Variants in GAS2 observed in about 807,000 individuals in gnomAD.
GAS2 encodes the protein growth arrest specific 2.
GAS2 carries 20 observed loss-of-function variants against 37.5 expected under a neutral mutation model. The observed-to-expected ratio is 0.53, with a 90% confidence interval of 0.37 to 0.77. The LOEUF is 0.77. GAS2 is among the 30% of genes least tolerant of loss of function. GAS2 has a pLI of 0.00. For missense variants in GAS2, 336 were observed against 373.4 expected (o/e 0.90, Z 0.82); for synonymous variants, 144 against 132.2 (o/e 1.09, Z -0.61).
chr11:22,652,205 TG>T (rs946061792), intron 1 of GAS2, among the ~76,000 whole-genome samples: 6 of 152,168 alleles, frequency 3.9e-5, no homozygotes, highest in East Asian at 1.9e-4. Flanking sequence ...GTGCCCCTGC[TG>T]GGGGTGCCTC....
chr11:22,673,537 T>C (rs1479810807), intron 1 of GAS2, among the ~76,000 whole-genome samples: 1 of 152,222 alleles, frequency 6.6e-6, no homozygotes, highest in Non-Finnish European at 1.5e-5. Context: ...CTGCATGTTA[T>C]TAAACATGAC....
chr11:22,659,002 C>G (rs1224690005), intron 1 of GAS2, among the ~76,000 whole-genome samples: 1 of 152,160 alleles, frequency 6.6e-6, no homozygotes, highest in Non-Finnish European at 1.5e-5. Context: ...GTTATTGCCT[C>G]TTTTTGGAAA....
At chr11:22,776,989 G>A (rs951010171) in intron 7 of GAS2, among the ~76,000 whole-genome samples, 1 of 152,148 alleles carries the variant, frequency 6.6e-6, no homozygotes, top group Admixed American at 6.5e-5. Flanking sequence ...GATCAGGAAA[G>A]TTAAAAGAGA....
intron 1 of GAS2, among the ~76,000 whole-genome samples, chr11:22,668,783 T>C (rs1849088646): frequency 6.6e-6 from 1 of 152,220 alleles, no homozygotes; most frequent in African/African-American, 2.4e-5. Flanking sequence ...TGAGAAGGCA[T>C]GATGAGGCTG....
At chr11:22,651,308 C>T (rs1848772683) in intron 1 of GAS2, among the ~76,000 whole-genome samples, 1 of 152,194 alleles carries the variant, frequency 6.6e-6, no homozygotes, top group Non-Finnish European at 1.5e-5. Context: ...TGATGGGCTT[C>T]CCTTTGTGGG....
At chr11:22,712,443 G>A (rs991461877) in intron 3 of GAS2, among the ~76,000 whole-genome samples, 1 of 152,160 alleles carries the variant, frequency 6.6e-6, no homozygotes, top group Non-Finnish European at 1.5e-5. Flanking sequence ...AGATCCAGAA[G>A]GGTAATAACA....
intron 3 of GAS2, among the ~76,000 whole-genome samples, chr11:22,701,399 G>A (rs542503516): frequency 5.9e-5 from 9 of 152,114 alleles, no homozygotes; most frequent in Non-Finnish European, 1.2e-4. Context: ...TGTCTTCATG[G>A]TGAGAAAGAT....
At chr11:22,643,569 T>C (rs1424632418) in intron 1 of GAS2, among the ~76,000 whole-genome samples, 3 of 152,042 alleles carry the variant, frequency 2.0e-5, no homozygotes, top group Non-Finnish European at 4.4e-5. Flanking sequence ...TTCTGTAGTA[T>C]GTGTGTATTT....
intron 5 of GAS2, among the ~76,000 whole-genome samples, chr11:22,744,540 A>G (rs140598914): frequency 2.1e-3 from 319 of 152,284 alleles, no homozygotes; most frequent in Admixed American, 4.6e-3. Flanking sequence ...AGAATTAAAA[A>G]CAAAAGCCAT....
At chr11:22,805,575 C>T (rs751776226) in intron 7 of GAS2, among the ~76,000 whole-genome samples, 9 of 152,126 alleles carry the variant, frequency 5.9e-5, no homozygotes, top group Non-Finnish European at 1.3e-4. Flanking sequence ...ATTCTTTTCT[C>T]TACTTCTATG....
chr11:22,673,732 C>A (rs192064345), intron 1 of GAS2, among the ~76,000 whole-genome samples: 2 of 152,264 alleles, frequency 1.3e-5, no homozygotes, highest in South Asian at 4.1e-4. Context: ...CATGGCGAAA[C>A]CCCATCTCTA....
intron 7 of GAS2, among the ~76,000 whole-genome samples, chr11:22,809,715 A>G (rs1240132263): frequency 2.0e-5 from 3 of 151,298 alleles, no homozygotes; most frequent in African/African-American, 7.3e-5. Context: ...GATGGTCTCA[A>G]ACTCCTGACC....
intron 2 of GAS2, among the ~76,000 whole-genome samples, chr11:22,682,475 G>A (rs569916145): frequency 2.0e-5 from 3 of 151,622 alleles, no homozygotes; most frequent in Admixed American, 2.0e-4. Context: ...CAACAATTTA[G>A]AGTAAAGTTT....
At chr11:22,678,873 A>G (rs1849553264) in intron 2 of GAS2, among the ~76,000 whole-genome samples, 1 of 151,710 alleles carries the variant, frequency 6.6e-6, no homozygotes, top group Admixed American at 6.6e-5. Flanking sequence ...CATTTCCAGG[A>G]AATATACTTA....
chr11:22,726,563 G>T, intron 4 of GAS2, 130 bp downstream of exon 4: 1 of 751,828 alleles, frequency 1.3e-6, no homozygotes, highest in Non-Finnish European at 2.2e-6. Flanking sequence ...GTCTGAGTTT[G>T]TTGAAATCTT....
intron 1 of GAS2, among the ~76,000 whole-genome samples, chr11:22,628,623 C>T (rs1858697034): frequency 6.6e-6 from 1 of 152,006 alleles, no homozygotes; most frequent in Non-Finnish European, 1.5e-5. Context: ...CTTTTCATTG[C>T]TTTAACAGAA....
intron 1 of GAS2, among the ~76,000 whole-genome samples, chr11:22,673,087 AT>A (rs1236395307): frequency 6.6e-6 from 1 of 152,100 alleles, no homozygotes; most frequent in East Asian, 1.9e-4. Flanking sequence ...CTCGACAGTA[AT>A]TTAATTAGAA....
chr11:22,805,909 G>A lies in GAS2; in HGVS notation c.724-5889G>A, dbSNP rs112925911. 3.8e-3 allele frequency among the ~76,000 whole-genome samples: 586 copies of A among 152,210 alleles called. 5 individuals carry two copies. Among genetic ancestry groups the A allele is most frequent in the Middle Eastern group, 0.017 (5 of 294 alleles). ...GTCATGGCACTGGTGGGAGTGTCCA[G>A]TGAGGATGACCAGAGGTCACTCTCA... On this transcript the variant is annotated intron_variant, in intron 7 of 7. Coordinates refer to ENST00000454584, the MANE Select transcript of GAS2 (RefSeq NM_001143830.3).
At chr11:22,796,731 C>T (rs1201897732) in intron 7 of GAS2, among the ~76,000 whole-genome samples, 3 of 152,040 alleles carry the variant, frequency 2.0e-5, no homozygotes, top group Admixed American at 2.0e-4. Flanking sequence ...TGTGTATCAT[C>T]ATCATGGAGT....
Sources: allele counts gnomAD v4.1 joint callset (sites outside exome capture counted in the v4.1 genomes callset), GRCh38; gene constraint gnomAD v4.1.1; transcripts MANE v1.5; gene names NCBI Gene and HGNC (gene_info 2026-07-23, HGNC 2026-07-21).